CARNMT1: variants seen among roughly 807,000 people sequenced by gnomAD.
CARNMT1 encodes carnosine N-methyltransferase 1, also known as protein-L-histidine N-pros-methyltransferase CARNMT1.
CARNMT1 carries 28 observed loss-of-function variants against 49.6 expected under a neutral mutation model. The ratio of observed to expected loss-of-function variants is 0.56; its 90% confidence interval spans 0.42 to 0.77. The LOEUF (loss-of-function observed/expected upper bound fraction) is 0.77, where lower values mean the gene tolerates loss of function less well. CARNMT1 is among the 30% of genes least tolerant of loss of function. CARNMT1 has a pLI of 0.00. For synonymous variants in CARNMT1, 178 were observed against 175.0 expected (o/e 1.02, Z -0.13); for missense variants, 421 against 512.6 (o/e 0.82, Z 1.73).
chr9:74,989,795 G>A (rs939524607), intron 6 of CARNMT1, among the ~76,000 whole-genome samples: 29 of 152,136 alleles, frequency 1.9e-4, no homozygotes, highest in African/African-American at 6.5e-4. Context: ...AAAGTCAACA[G>A]CACAGAGAAA....
intron 1 of CARNMT1, among the ~76,000 whole-genome samples, chr9:75,026,026 T>A (rs921601426): frequency 4.6e-5 from 7 of 152,252 alleles, no homozygotes; most frequent in Non-Finnish European, 1.0e-4. Context: ...TGTTCTCTGC[T>A]ACATAAACTT....
intron 3 of CARNMT1, among the ~76,000 whole-genome samples, chr9:75,008,137 C>T (rs1833571795): frequency 1.4e-5 from 1 of 71,542 alleles, no homozygotes; most frequent in Non-Finnish European, 2.5e-5. Flanking sequence ...TTGGGCCACA[C>T]ATAAAATAAC....
intron 5 of CARNMT1, among the ~76,000 whole-genome samples, chr9:74,997,844 G>A (rs1462753570): frequency 6.6e-6 from 1 of 150,428 alleles, no homozygotes; most frequent in Non-Finnish European, 1.5e-5. Context: ...AGTTCTCTGT[G>A]GACAGGGATT....
At position 74,982,329 on chromosome 9, in the gene CARNMT1, T is replaced by C. The variant is rs1247506011; in HGVS notation, c.*1438A>G. 6.6e-6 allele frequency: 1 copy of C among 152,230 alleles called. No homozygotes were observed. The highest frequency in any genetic ancestry group is 1.9e-4 in the East Asian group (1 of 5,204). The allele number at this position is 152,230 out of a possible 1,614,324, so 9.4% of individuals were successfully genotyped here. ...GTCATTTAAAGCAATCACAATCATCTGTGAAAATATTCAAGAAGAGTTCTT... is the reference window on the plus strand; with the variant it reads ...GTCATTTAAAGCAATCACAATCATCCGTGAAAATATTCAAGAAGAGTTCTT... On this transcript the variant is annotated 3_prime_UTR_variant, in exon 8 of 8. Coordinates refer to ENST00000376834, the MANE Select transcript of CARNMT1 (RefSeq NM_152420.3).
chr9:75,009,115 G>A (rs1373766928), intron 3 of CARNMT1, among the ~76,000 whole-genome samples: 3 of 141,590 alleles, frequency 2.1e-5, no homozygotes, highest in Non-Finnish European at 4.5e-5. Context: ...ATATCCATAT[G>A]CAAAAGAATA....
chr9:75,017,543 A>G (rs1833889232), intron 1 of CARNMT1, 95 bp from the exon 2 acceptor site: 1 of 961,568 alleles, frequency 1.0e-6, no homozygotes, highest in Admixed American at 2.1e-5. Context: ...TTATTTCCTT[A>G]TTATGCTGGA....
chr9:74,986,580 T>C (rs1832847669), intron 6 of CARNMT1, among the ~76,000 whole-genome samples: 1 of 152,214 alleles, frequency 6.6e-6, no homozygotes, highest in Non-Finnish European at 1.5e-5. Flanking sequence ...TCCTGTTCCA[T>C]TAAGAGCCTC....
At chr9:75,013,134 G>GA (rs1338215483) in intron 3 of CARNMT1, among the ~76,000 whole-genome samples, 1 of 152,086 alleles carries the variant, frequency 6.6e-6, no homozygotes, top group African/African-American at 2.4e-5. Context: ...AATTGCAGCA[G>GA]AAAAAGATGC....
intron 6 of CARNMT1, among the ~76,000 whole-genome samples, chr9:74,986,113 T>C (rs1184648724): frequency 6.6e-6 from 1 of 152,200 alleles, no homozygotes; most frequent in African/African-American, 2.4e-5. Context: ...CACAGTTATA[T>C]ATACCTCAGG....
intron 3 of CARNMT1, among the ~76,000 whole-genome samples, chr9:75,008,168 TAAAAAAAA>T (rs71368697): frequency 1.0e-4 from 5 of 48,716 alleles, no homozygotes; most frequent in Non-Finnish European, 1.7e-4. Context: ...GCTGATGAGC[TAAAAAAAA>T]AAAAAAAAAA....
chr9:75,011,236 T>C (rs1833682111), intron 3 of CARNMT1, among the ~76,000 whole-genome samples: 1 of 152,198 alleles, frequency 6.6e-6, no homozygotes, highest in South Asian at 2.1e-4. Context: ...GCAACCCTTA[T>C]AGAAGAACAT....
In CARNMT1 at chr9:74,983,151, G is replaced by A. The variant is rs1832729525; in HGVS notation, c.*616C>T. ...AGCTACTCAGGAGGCTAAGGCTAAG[G>A]CAGGAAGATCGCTTGAGTCCAGGAG... On this transcript the variant is annotated 3_prime_UTR_variant, in exon 8 of 8. Transcript: ENST00000376834. 1 of 151,908 alleles carries A rather than the reference G, an allele frequency of 6.6e-6. No homozygotes were observed. Among genetic ancestry groups the A allele is most frequent in the Non-Finnish European group, 1.5e-5 (1 of 68,040 alleles). 9.4% of individuals were successfully genotyped at this position (151,908 alleles called of 1,614,324 possible). A position where few individuals can be genotyped will look rare whatever the true frequency, so the allele number is the denominator to read the frequency against.
chr9:75,028,125 C>G lies in CARNMT1; in HGVS notation c.117G>C (p.Ser39=). 2 of 1,553,202 alleles carry G rather than the reference C, an allele frequency of 1.3e-6. No homozygotes were observed. The highest frequency in any genetic ancestry group is 1.2e-5 in the South Asian group (1 of 84,354). Residue 39 remains serine, a synonymous_variant, in exon 1 of 8, where the codon TCG becomes TCC. Coordinates refer to ENST00000376834, the MANE Select transcript of CARNMT1 (RefSeq NM_152420.3). ...EVQFSAGRWG[S]AAAVSAAAAA... The stretch of plus-strand genomic sequence containing the variant: ...CCGCTGCCGCCGAAACCGCCGCGGC[C>G]GAGCCCCAACGCCCGGCGGAAAACT...
intron 1 of CARNMT1, among the ~76,000 whole-genome samples, chr9:75,024,952 T>C (rs1398322613): frequency 1.3e-5 from 2 of 152,210 alleles, no homozygotes; most frequent in South Asian, 2.1e-4. Flanking sequence ...CGTACTATAT[T>C]CTTACAATAA....
At chr9:74,986,992 T>C (rs937423487) in intron 6 of CARNMT1, among the ~76,000 whole-genome samples, 14 of 152,202 alleles carry the variant, frequency 9.2e-5, no homozygotes, top group African/African-American at 3.1e-4. Context: ...ATTTTTAGTC[T>C]TCTAATACAA....
Position 74,999,807 on chromosome 9 carries a change from T to C in CARNMT1, c.654A>G (p.Ile218Met). 6.2e-7 allele frequency: 1 copy of C among 1,612,858 alleles called. No individual in the cohort carries two copies. The highest frequency in any genetic ancestry group is 8.5e-7 in the Non-Finnish European group (1 of 1,179,322). Residue 218 changes from isoleucine to methionine, a missense_variant, in exon 4 of 8, where the codon ATA becomes ATG. Transcript: ENST00000376834. Reference protein sequence around the residue: ...GAGLGRLAWEIAMLGYACQGN... With the variant: ...GAGLGRLAWEMAMLGYACQGN... ...CTTGACAAGCATAACCTAGCATAGC[T>C]ATTTCCCAGGCCAGTCTTCCTAGTC...
At chr9:75,025,425 A>C (rs1822495502) in intron 1 of CARNMT1, among the ~76,000 whole-genome samples, 1 of 152,236 alleles carries the variant, frequency 6.6e-6, no homozygotes, top group Admixed American at 6.5e-5. Context: ...TATGCAACTA[A>C]GATTTAATGC....
In CARNMT1 at chr9:75,017,309, G is replaced by A. The variant is rs1386738267; in HGVS notation, c.370C>T (p.Leu124=). 8 of 1,613,838 alleles carry A rather than the reference G, an allele frequency of 5.0e-6. No homozygotes were observed. Among genetic ancestry groups the A allele is most frequent in the Admixed American group, 1.7e-5 (1 of 60,010 alleles). ...TGTATGCAATCATTCACAATGGTCA[G>A]TAGTATTTCTTGATTATGATCAATG... The part of the protein sequence containing the change: ...KCIDHNQEIL[L]TIVNDCIHMF... Residue 124 remains leucine (L), a synonymous_variant, in exon 2 of 8, where the codon CTG becomes TTG. Coordinates refer to ENST00000376834, the MANE Select transcript of CARNMT1 (RefSeq NM_152420.3).
In CARNMT1 at chr9:74,982,967, A is replaced by G. The variant is rs1832725087; in HGVS notation, c.*800T>C. Reference sequence around the variant, plus strand: ...ACTTTGATATTTCTGTTACTTGAATATATTTTACCGGCCTGTGATGCTATT... The same window carrying G: ...ACTTTGATATTTCTGTTACTTGAATGTATTTTACCGGCCTGTGATGCTATT... On this transcript the variant is annotated 3_prime_UTR_variant, in exon 8 of 8. Coordinates refer to ENST00000376834, the MANE Select transcript of CARNMT1 (RefSeq NM_152420.3). 1 of 152,202 alleles carries G rather than the reference A, an allele frequency of 6.6e-6. No individual in the cohort carries two copies. Among genetic ancestry groups the G allele is most frequent in the Non-Finnish European group, 1.5e-5 (1 of 68,036 alleles). The allele number at this position is 152,202 out of a possible 1,614,324, so 9.4% of individuals were successfully genotyped here. A position where few individuals can be genotyped will look rare whatever the true frequency, so the allele number is the denominator to read the frequency against.
Sources: allele counts gnomAD v4.1 joint callset (sites outside exome capture counted in the v4.1 genomes callset), GRCh38; gene constraint gnomAD v4.1.1; transcripts MANE v1.5; gene names NCBI Gene and HGNC (gene_info 2026-07-23, HGNC 2026-07-21).